LRRC37A2: variants seen among roughly 807,000 people sequenced by gnomAD.
The protein encoded by LRRC37A2 is leucine-rich repeat-containing protein 37A2.
A neutral mutation model predicts 68.8 loss-of-function variants in LRRC37A2; 9 were observed. The observed-to-expected ratio is 0.13, with a 90% confidence interval of 0.08 to 0.23. The LOEUF is 0.23. LRRC37A2 is among the 10% of genes least tolerant of loss of function. The probability of loss-of-function intolerance (pLI) is 1.00; values close to 1 mark genes in which losing one functional copy is unlikely to be tolerated. For synonymous variants in LRRC37A2, 63 were observed against 367.6 expected (o/e 0.17, Z 9.48); for missense variants, 168 against 950.4 (o/e 0.18, Z 10.82).
the LRRC37A2 span, among the ~76,000 whole-genome samples, chr17:46,914,499 A>T: frequency 4.8e-4 from 73 of 151,918 alleles, no homozygotes; most frequent in East Asian, 0.013. Context: ...AAATACAAAA[A>T]AATTAGCCAG....
chr17:46,795,916 G>A, the LRRC37A2 span, among the ~76,000 whole-genome samples: 4 of 152,064 alleles, frequency 2.6e-5, no homozygotes, highest in African/African-American at 9.7e-5. Context: ...ACACACACGT[G>A]TGCACACATG....
chr17:46,743,406 C>A, the LRRC37A2 span, among the ~76,000 whole-genome samples: 5 of 152,188 alleles, frequency 3.3e-5, no homozygotes, highest in Non-Finnish European at 7.3e-5. Context: ...ATGACAGAGA[C>A]CCCGCCTCAG....
At chr17:46,910,591 T>C in the LRRC37A2 span, among the ~76,000 whole-genome samples, 1 of 152,222 alleles carries the variant, frequency 6.6e-6, no homozygotes, top group African/African-American at 2.4e-5. Context: ...AAGAAGCATA[T>C]GATCCAACCT....
chr17:46,944,368 C>T, the LRRC37A2 span, among the ~76,000 whole-genome samples: 1 of 152,216 alleles, frequency 6.6e-6, no homozygotes, highest in Non-Finnish European at 1.5e-5. Flanking sequence ...ACACACCTCT[C>T]AGCCTCAGCT....
chr17:46,840,498 G>A, the LRRC37A2 span, among the ~76,000 whole-genome samples: 1 of 152,200 alleles, frequency 6.6e-6, no homozygotes, highest in African/African-American at 2.4e-5. Flanking sequence ...ATAGTAGCAT[G>A]ATTTATAATC....
chr17:46,384,307 G>A, the LRRC37A2 span, among the ~76,000 whole-genome samples: 3 of 70,534 alleles, frequency 4.3e-5, 1 homozygote, highest in African/African-American at 1.2e-4. Context: ...AGACACTTTG[G>A]CCTGGCATGG....
At chr17:46,942,519 G>C in the LRRC37A2 span, among the ~76,000 whole-genome samples, 15 of 152,218 alleles carry the variant, frequency 9.9e-5, no homozygotes, top group African/African-American at 3.6e-4. Flanking sequence ...GCTCTGCTGG[G>C]GTCTGGGGGG....
At chr17:46,732,822 G>A in the LRRC37A2 span, among the ~76,000 whole-genome samples, 1 of 152,122 alleles carries the variant, frequency 6.6e-6, no homozygotes, top group Non-Finnish European at 1.5e-5. Flanking sequence ...AATTGAAAAG[G>A]GCTGTCCCAG....
chr17:46,979,432 G>C, the LRRC37A2 span, among the ~76,000 whole-genome samples: 1 of 152,198 alleles, frequency 6.6e-6, no homozygotes, highest in South Asian at 2.1e-4. Context: ...CTCTGTCCGC[G>C]GGCCGGCGAA....
chr17:46,495,685 C>T, the LRRC37A2 span, among the ~76,000 whole-genome samples: 1 of 150,096 alleles, frequency 6.7e-6, no homozygotes. Context: ...GCGCCCAGCC[C>T]CTTTGTGCAC....
the LRRC37A2 span, among the ~76,000 whole-genome samples, chr17:47,044,976 C>T: frequency 1.3e-5 from 2 of 151,042 alleles, no homozygotes; most frequent in East Asian, 3.9e-4. Flanking sequence ...TGCACCACTG[C>T]ACTCAGCCTG....
the LRRC37A2 span, chr17:46,755,216 T>C: frequency 1.2e-6 from 1 of 843,976 alleles, no homozygotes; most frequent in African/African-American, 1.7e-5. Context: ...AGCAGAGCAT[T>C]GATGAAGTGT....
chr17:46,923,211 C>T, the LRRC37A2 span: 1 of 1,550,122 alleles, frequency 6.5e-7, no homozygotes, highest in Non-Finnish European at 8.7e-7. Context: ...CCTGTTCCAG[C>T]AAACGCACAA....
At chr17:46,718,199 AC>A in the LRRC37A2 span, among the ~76,000 whole-genome samples, 1 of 151,826 alleles carries the variant, frequency 6.6e-6, no homozygotes, top group Non-Finnish European at 1.5e-5. Flanking sequence ...CCCCTGACCC[AC>A]CCCAGTGAGT....
At chr17:46,781,107 A>G in the LRRC37A2 span, among the ~76,000 whole-genome samples, 13 of 152,114 alleles carry the variant, frequency 8.5e-5, no homozygotes, top group South Asian at 2.7e-3. Context: ...GCGTGCCTGT[A>G]GTCCCAGCTA....
chr17:46,948,015 C>CTGCCTTGGCCTT, the LRRC37A2 span, among the ~76,000 whole-genome samples: 1 of 152,224 alleles, frequency 6.6e-6, no homozygotes, highest in Non-Finnish European at 1.5e-5. Flanking sequence ...GGTGATCCAC[C>CTGCCTTGGCCTT]TGCCTTGGCC....
At chr17:46,728,317 T>TTTTA in the LRRC37A2 span, among the ~76,000 whole-genome samples, 3 of 152,220 alleles carry the variant, frequency 2.0e-5, no homozygotes, top group Non-Finnish European at 2.9e-5. Context: ...TAACATCATG[T>TTTTA]TTTAATATCA....
chr17:47,010,816 C>G, the LRRC37A2 span: 1 of 152,270 alleles, frequency 6.6e-6, no homozygotes, highest in Non-Finnish European at 1.5e-5. Context: ...GAACCACTGT[C>G]TTCCTTGAGA....
the LRRC37A2 span, among the ~76,000 whole-genome samples, chr17:46,894,102 A>G: frequency 6.6e-6 from 1 of 152,228 alleles, no homozygotes; most frequent in East Asian, 1.9e-4. Flanking sequence ...TGCAGCCAAC[A>G]AACACCTGTG....
Sources: gnomAD v4.1 joint callset for allele counts (sites outside exome capture counted in the v4.1 genomes callset) on GRCh38, gnomAD v4.1.1 for gene constraint, MANE v1.5 for transcripts, NCBI Gene and HGNC (gene_info 2026-07-23, HGNC 2026-07-21) for gene names.